NMU: variants seen among roughly 807,000 people sequenced by gnomAD.
NMU encodes the protein neuromedin-U.
In NMU, 29 loss-of-function variants were observed where a neutral mutation model predicts 35.4. That is an observed-to-expected ratio of 0.82 (90% CI 0.61 to 1.12). NMU has a LOEUF of 1.12. Among genes scored for constraint, NMU ranks in the 50% most tolerant of loss-of-function variants. NMU has a pLI of 0.00. For synonymous variants in NMU, 78 were observed against 81.3 expected (o/e 0.96, Z 0.22); for missense variants, 199 against 206.2 (o/e 0.97, Z 0.21).
At position 55,599,051 on chromosome 4, in the gene NMU, T is replaced by C. The variant is rs912080091; in HGVS notation, c.*4+91A>G. On this transcript the variant is annotated intron_variant, in intron 9 of 9. Transcript: ENST00000264218. ...CATTTAACATAGTTTAATTTGTGAC[T>C]ATTTGAAAACAACAGCAAATGTCAA... The C allele has an allele frequency of 2.9e-5, 24 of 825,232 alleles. No individual in the cohort carries two copies. In the East Asian group the frequency reaches 5.6e-4, roughly 19 times the overall value. 51.1% of individuals were successfully genotyped at this position (825,232 alleles called of 1,614,324 possible). A position where few individuals can be genotyped will look rare whatever the true frequency, so the allele number is the denominator to read the frequency against.
chr4:55,616,280 G>A, intron 3 of NMU, 58 bp downstream of exon 3: 1 of 1,203,598 alleles, frequency 8.3e-7, no homozygotes. Flanking sequence ...CAGCAATGGA[G>A]AGTTTAAGCA....
At chr4:55,631,093 C>T (rs191707468) in intron 1 of NMU, among the ~76,000 whole-genome samples, 27 of 152,034 alleles carry the variant, frequency 1.8e-4, no homozygotes, top group African/African-American at 6.5e-4. Flanking sequence ...ACACCCTATT[C>T]AATAAATGGT....
intron 3 of NMU, 78 bp downstream of exon 3, chr4:55,616,260 G>T: frequency 2.0e-6 from 2 of 980,462 alleles, no homozygotes; most frequent in African/African-American, 1.6e-5. Context: ...ACACATAAAG[G>T]TTCCAAAGGC....
chr4:55,617,932 A>T (rs751908998), intron 2 of NMU, among the ~76,000 whole-genome samples: 4 of 152,220 alleles, frequency 2.6e-5, no homozygotes, highest in African/African-American at 7.2e-5. Context: ...TTAAAAACCC[A>T]GTTAGTCAAA....
chr4:55,601,373 T>C (rs1239356691), intron 7 of NMU, among the ~76,000 whole-genome samples: 3 of 152,166 alleles, frequency 2.0e-5, no homozygotes, highest in Admixed American at 6.5e-5. Flanking sequence ...TTTTATAATA[T>C]GAATACAATC....
upstream of NMU, chr4:55,636,368 G>A: frequency 2.1e-6 from 2 of 964,888 alleles, no homozygotes; most frequent in Non-Finnish European, 1.4e-6. This position sits in a 1 kb window ranked among gnomAD's most constrained non-coding sequence, Gnocchi z 4.0. Context: ...TCCCCGCCGC[G>A]CGTCACCTCG....
chr4:55,616,198 T>C (rs1734103918), intron 3 of NMU, 140 bp downstream of exon 3: 1 of 697,558 alleles, frequency 1.4e-6, no homozygotes, highest in Non-Finnish European at 2.6e-6. Context: ...CAGTATTGAT[T>C]ATTATCTACA....
intron 6 of NMU, among the ~76,000 whole-genome samples, chr4:55,606,045 T>C (rs1415729601): frequency 2.0e-5 from 3 of 152,220 alleles, no homozygotes; most frequent in Non-Finnish European, 4.4e-5. Context: ...ATCACATGGA[T>C]TATGTTGAGC....
At position 55,599,222 on chromosome 4, in the gene NMU, G is replaced by A. The variant is rs1024733505; in HGVS notation, c.490-41C>T. The A allele has an allele frequency of 5.4e-6, 8 of 1,469,132 alleles. No homozygotes were observed. The African/African-American group carries it at 1.1e-4, about 20-fold the overall frequency. The allele number at this position is 1,469,132 out of a possible 1,614,324, so 91.0% of individuals were successfully genotyped here. On this transcript the variant is annotated intron_variant, in intron 8 of 9. Transcript: ENST00000264218. ...TTAGAAATAAATCAGTGTAACTAAA[G>A]ATGCAAGCTAACAGTCATAGAAACA...
rs112190941 is a variant in NMU, at chr4:55,599,396, G to T, written c.490-215C>A. ...TTGTATTTCTAACAAGTTCTGAGGT[G>T]CTGCTAATGCTGCAAAGACCACCAT... On this transcript the variant is annotated intron_variant, in intron 8 of 9. Coordinates refer to ENST00000264218, the MANE Select transcript of NMU (RefSeq NM_006681.4). Among the ~76,000 whole-genome samples the T allele has an allele frequency of 1.2e-4, 19 of 152,268 alleles. 1 individual carries two copies. The highest frequency in any genetic ancestry group is 4.6e-4 in the African/African-American group (19 of 41,564).
chr4:55,632,961 T>C (rs1264536511), intron 1 of NMU, among the ~76,000 whole-genome samples: 4 of 137,912 alleles, frequency 2.9e-5, no homozygotes, highest in African/African-American at 5.5e-5. Flanking sequence ...TAAACACAGT[T>C]TCACTGTGGA....
intron 2 of NMU, among the ~76,000 whole-genome samples, chr4:55,616,683 A>C (rs906550084): frequency 6.6e-6 from 1 of 152,220 alleles, no homozygotes; most frequent in Non-Finnish European, 1.5e-5. Flanking sequence ...TTCACGTATT[A>C]TTTAGCCTGA....
chr4:55,599,025 A>G, intron 9 of NMU, 117 bp downstream of exon 9: 1 of 685,036 alleles, frequency 1.5e-6, no homozygotes, highest in Non-Finnish European at 2.6e-6. Flanking sequence ...TAATAGAAAT[A>G]CATTTAACAT....
intron 7 of NMU, among the ~76,000 whole-genome samples, chr4:55,602,600 A>G (rs1363782167): frequency 6.6e-6 from 1 of 152,214 alleles, no homozygotes; most frequent in African/African-American, 2.4e-5. Context: ...AAGAAACTGT[A>G]TCTTTAAGTT....
At position 55,595,645 on chromosome 4, in the gene NMU, T is replaced by A. The variant is rs867110834; in HGVS notation, c.*5-234A>T. Among the ~76,000 whole-genome samples, 532 of 88,482 alleles carry A rather than the reference T, an allele frequency of 6.0e-3. 2 individuals carry two copies. The highest frequency in any genetic ancestry group is 0.011 in the Non-Finnish European group (408 of 38,438). The allele number at this position is 88,482 out of a possible 152,430, so 58.0% of individuals were successfully genotyped here. On this transcript the variant is annotated intron_variant, in intron 9 of 9. Transcript: ENST00000264218. ...TGTGTATATATATATATATATATAT[T>A]TTTTTTTTTTTTTGAGACAGAGTCT...
chr4:55,595,769 T>C (rs1455857167), intron 9 of NMU, among the ~76,000 whole-genome samples: 1 of 151,106 alleles, frequency 6.6e-6, no homozygotes, highest in Non-Finnish European at 1.5e-5. Flanking sequence ...GCCTCCTGAG[T>C]AGCTGGTATT....
intron 1 of NMU, among the ~76,000 whole-genome samples, chr4:55,632,391 C>T (rs1715651065): frequency 6.6e-6 from 1 of 152,076 alleles, no homozygotes; most frequent in African/African-American, 2.4e-5. Flanking sequence ...CAGTAATCAA[C>T]TACATTTTCT....
At chr4:55,636,382 C>G (rs1437340247), upstream of NMU, 1 of 850,582 alleles carries the variant, frequency 1.2e-6, no homozygotes, top group Non-Finnish European at 1.6e-6. This position sits in a 1 kb window ranked among gnomAD's most constrained non-coding sequence, Gnocchi z 4.0. Context: ...CACCTCGCCG[C>G]CTGCCGCCCC....
At chr4:55,625,169 T>TAAAAAAAA (rs760890031) in intron 2 of NMU, among the ~76,000 whole-genome samples, 43 of 98,296 alleles carry the variant, frequency 4.4e-4, no homozygotes, top group Non-Finnish European at 6.7e-4. Context: ...AAAGTATAAT[T>TAAAAAAAA]AAAAAAAAAA....
Sources: allele counts gnomAD v4.1 joint callset (sites outside exome capture counted in the v4.1 genomes callset), GRCh38; gene constraint gnomAD v4.1.1; non-coding constraint Gnocchi (gnomAD v3.1); transcripts MANE v1.5; gene names NCBI Gene and HGNC (gene_info 2026-07-23, HGNC 2026-07-21).